The following TAF1B variants were observed in gnomAD, a reference collection of about 807,000 sequenced individuals.
The protein encoded by TAF1B is TATA-box binding protein associated factor, RNA polymerase I subunit B, also known as TATA box-binding protein-associated factor RNA polymerase I subunit B.
Under a neutral mutation model 83.9 loss-of-function variants are expected in TAF1B, and 61 were observed. The ratio of observed to expected loss-of-function variants is 0.73; its 90% CI spans 0.59 to 0.90. TAF1B has a LOEUF of 0.90. Among genes scored for constraint, TAF1B ranks in the 40% least tolerant of loss-of-function variants. TAF1B has a pLI of 0.00. For synonymous variants in TAF1B, 221 were observed against 224.6 expected, an observed-to-expected ratio of 0.98 and a Z score of 0.14; for missense variants, 625 against 677.0, an observed-to-expected ratio of 0.92 and a Z score of 0.85.
At chr2:9,892,973 G>C (rs1031025652) in intron 8 of TAF1B, among the ~76,000 whole-genome samples, 1 of 152,108 alleles carries the variant, frequency 6.6e-6, no homozygotes, top group African/African-American at 2.4e-5. Flanking sequence ...GGGTAAAAAA[G>C]CAGAGAGACT....
At chr2:9,894,545 T>C (rs2125163266) in intron 8 of TAF1B, among the ~76,000 whole-genome samples, 1 of 152,304 alleles carries the variant, frequency 6.6e-6, no homozygotes, top group Middle Eastern at 3.4e-3. Flanking sequence ...AAACCAACAG[T>C]GAATTACTCA....
chr2:9,868,732 C>T (rs368671993), intron 6 of TAF1B: 149 of 534,254 alleles, frequency 2.8e-4, no homozygotes, highest in Admixed American at 7.2e-4. Context: ...GTGGGCTCAG[C>T]GTCTTCAAAG....
intron 8 of TAF1B, among the ~76,000 whole-genome samples, chr2:9,887,578 A>G (rs1018549192): frequency 6.6e-6 from 1 of 151,884 alleles, no homozygotes; most frequent in Admixed American, 6.6e-5. Flanking sequence ...TGCACAGCAT[A>G]TCTTTTTCCA....
intron 14 of TAF1B, among the ~76,000 whole-genome samples, chr2:9,928,518 G>A (rs1372972486): frequency 1.3e-5 from 2 of 152,114 alleles, no homozygotes; most frequent in Non-Finnish European, 2.9e-5. Flanking sequence ...ATTTGTTTGT[G>A]TCCTCTTTTA....
At chr2:9,864,655 A>C (rs1316648478) in intron 5 of TAF1B, among the ~76,000 whole-genome samples, 2 of 152,216 alleles carry the variant, frequency 1.3e-5, no homozygotes, top group Non-Finnish European at 1.5e-5. Context: ...ATTTTAGATC[A>C]ATATCCTTGA....
At chr2:9,917,492 C>T (rs1665717730) in intron 12 of TAF1B, among the ~76,000 whole-genome samples, 1 of 152,082 alleles carries the variant, frequency 6.6e-6, no homozygotes, top group African/African-American at 2.4e-5. Flanking sequence ...ACTAGCCAGG[C>T]ACTTTGTCAA....
At chr2:9,911,409 AT>A in intron 10 of TAF1B, 101 bp from the exon 11 acceptor site, 1 of 889,368 alleles carries the variant, frequency 1.1e-6, no homozygotes, top group South Asian at 1.8e-5. Context: ...CATGGTATCA[AT>A]TTCAAATACT....
chr2:9,875,260 G>A (rs76087226), intron 6 of TAF1B, among the ~76,000 whole-genome samples: 6,719 of 152,210 alleles, frequency 0.044, 196 homozygotes, highest in Non-Finnish European at 0.067. Context: ...CACTGTGCCT[G>A]GCTCAAATCC....
At chr2:9,876,436 A>G (rs766895332) in intron 7 of TAF1B, among the ~76,000 whole-genome samples, 17 of 152,220 alleles carry the variant, frequency 1.1e-4, no homozygotes, top group Non-Finnish European at 2.4e-4. Context: ...TAGGTTGTCT[A>G]TGTTTGTAAG....
At chr2:9,854,572 G>C (rs1425458414) in intron 5 of TAF1B, 151 bp downstream of exon 5, 4 of 568,212 alleles carry the variant, frequency 7.0e-6, no homozygotes, top group Non-Finnish European at 1.2e-5. Flanking sequence ...CTAGAGGACG[G>C]GGTCACTGAT....
At chr2:9,865,942 G>A (rs1186346152) in intron 5 of TAF1B, among the ~76,000 whole-genome samples, 1 of 151,316 alleles carries the variant, frequency 6.6e-6, no homozygotes, top group African/African-American at 2.4e-5. Context: ...AATTCAAGAT[G>A]GATTAAAGAC....
intron 1 of TAF1B, 83 bp downstream of exon 1, chr2:9,843,642 C>T (rs949896811): frequency 3.4e-5 from 47 of 1,371,888 alleles, no homozygotes; most frequent in Admixed American, 6.2e-5. Context: ...GAGGACGCCG[C>T]GGGTTGGGGC....
At chr2:9,846,649 A>G (rs900235767) in intron 2 of TAF1B, among the ~76,000 whole-genome samples, 3 of 152,238 alleles carry the variant, frequency 2.0e-5, no homozygotes, top group Non-Finnish European at 4.4e-5. Context: ...TGGTGAATTG[A>G]GCTTGCAGGT....
intron 5 of TAF1B, among the ~76,000 whole-genome samples, chr2:9,868,058 C>T (rs1309250033): frequency 2.0e-5 from 3 of 152,160 alleles, no homozygotes. Flanking sequence ...GGGCTGGCAG[C>T]CGGTTTCCTC....
chr2:9,867,580 T>C (rs1664027751), intron 5 of TAF1B, among the ~76,000 whole-genome samples: 1 of 152,362 alleles, frequency 6.6e-6, no homozygotes, highest in South Asian at 2.1e-4. Flanking sequence ...ATCAAGTTTC[T>C]TGGCCTGCAG....
chr2:9,907,899 G>A (rs1665395021), intron 9 of TAF1B, among the ~76,000 whole-genome samples: 1 of 151,952 alleles, frequency 6.6e-6, no homozygotes, highest in African/African-American at 2.4e-5. Context: ...CAGGGCCTGT[G>A]CTCTTCCCAC....
At chr2:9,844,067 G>A (rs1001302821) in intron 1 of TAF1B, among the ~76,000 whole-genome samples, 1 of 152,172 alleles carries the variant, frequency 6.6e-6, no homozygotes, top group African/African-American at 2.4e-5. Flanking sequence ...GTGTTAGTAC[G>A]GGGTCACTGA....
intron 5 of TAF1B, among the ~76,000 whole-genome samples, chr2:9,863,262 C>G (rs1399805639): frequency 2.0e-5 from 3 of 152,078 alleles, no homozygotes; most frequent in African/African-American, 7.2e-5. Flanking sequence ...ATCTACCAAG[C>G]AAATGGAAAG....
rs114236892 is a variant in TAF1B at position 9,867,662 on chromosome 2, C to T, written c.400-614C>T. ...GTCAGCTAATGAGGTCTTTAGGTAGCCAGCCAGCTGACCTTTTTAGGGACA... is the reference window on the plus strand; with the variant it reads ...GTCAGCTAATGAGGTCTTTAGGTAGTCAGCCAGCTGACCTTTTTAGGGACA... On this transcript the variant is annotated intron_variant, in intron 5 of 14. Coordinates refer to ENST00000263663, the MANE Select transcript of TAF1B (RefSeq NM_005680.3). Among the ~76,000 whole-genome samples, 1,017 of 151,332 alleles carry T rather than the reference C, an allele frequency of 6.7e-3. 17 individuals carry two copies. Among genetic ancestry groups the T allele is most frequent in the African/African-American group, 0.023 (938 of 41,490 alleles).
Sources: gnomAD v4.1 joint callset for allele counts (sites outside exome capture counted in the v4.1 genomes callset) on GRCh38, gnomAD v4.1.1 for gene constraint, MANE v1.5 for transcripts, NCBI Gene and HGNC (gene_info 2026-07-23, HGNC 2026-07-21) for gene names.